The following JPT1 variants were observed in gnomAD, a reference collection of about 807,000 sequenced individuals.
JPT1 encodes the protein Jupiter microtubule associated homolog 1, also known as androgen-regulated protein 2.
Under a neutral mutation model 17.0 loss-of-function variants are expected in JPT1, and 5 were observed. The ratio of observed to expected loss-of-function variants is 0.29; its 90% CI spans 0.15 to 0.62. The LOEUF (loss-of-function observed/expected upper bound fraction) is 0.62, where lower values mean the gene tolerates loss of function less well. Ranked by LOEUF, JPT1 falls within the 20% of genes least tolerant of loss-of-function variation. The pLI is 0.85. For synonymous variants in JPT1, 71 were observed against 73.6 expected (o/e 0.96, Z 0.18); for missense variants, 158 against 188.1 (o/e 0.84, Z 0.94).
chr17:75,150,847 CTTTTTTT>C lies in JPT1; in HGVS notation c.57-2183_57-2177del, dbSNP rs59267123. Among the ~76,000 whole-genome samples the C allele has an allele frequency of 3.6e-3, 235 of 65,974 alleles. 1 individual carries two copies. The South Asian group carries it at 0.049, about 14-fold the overall frequency. 43.3% of individuals were successfully genotyped at this position (65,974 alleles called of 152,430 possible). ...GTTTGAATAAGCAACATTTTTCTTT[CTTTTTTT>C]TTTTTTTTTTTTTTTTTGAGACAGA... is the stretch of plus-strand genomic sequence containing the variant. On this transcript the variant is annotated intron_variant, in intron 1 of 4. Coordinates refer to ENST00000409753, the MANE Select transcript of JPT1 (RefSeq NM_016185.4).
At chr17:75,146,515 G>A (rs967008714) in intron 4 of JPT1, 151 bp downstream of exon 4, 8 of 581,832 alleles carry the variant, frequency 1.4e-5, no homozygotes, top group Non-Finnish European at 1.9e-5. Context: ...AGCATTGATC[G>A]CGTTACTGGC....
intron 1 of JPT1, among the ~76,000 whole-genome samples, chr17:75,149,660 C>T (rs1050009670): frequency 6.6e-6 from 1 of 152,136 alleles, no homozygotes; most frequent in Admixed American, 6.5e-5. Flanking sequence ...AGCCACCACG[C>T]CCAGCCAAAA....
At chr17:75,144,520 TAAA>T (rs895575393) in intron 4 of JPT1, among the ~76,000 whole-genome samples, 2 of 150,710 alleles carry the variant, frequency 1.3e-5, no homozygotes, top group East Asian at 1.9e-4. Flanking sequence ...TAGAAAAAAA[TAAA>T]AAAAAATGTA....
chr17:75,148,508 G>A lies in JPT1; in HGVS notation c.199+21C>T, dbSNP rs776615046. 5.0e-6 allele frequency: 8 copies of A among 1,613,658 alleles called. No homozygotes were observed. In the African/African-American group the frequency reaches 8.0e-5, roughly 16 times the overall value. Reference sequence around the variant, plus strand: ...TGCTGGGCCCATCCCTTTGAACAGTGAGCACAGATAACAAGAGTACCTGCT... The same window carrying A: ...TGCTGGGCCCATCCCTTTGAACAGTAAGCACAGATAACAAGAGTACCTGCT... On this transcript the variant is annotated intron_variant, in intron 2 of 4. Transcript: ENST00000409753.
chr17:75,150,594 G>A (rs1206812421), intron 1 of JPT1, among the ~76,000 whole-genome samples: 1 of 152,036 alleles, frequency 6.6e-6, no homozygotes, highest in Non-Finnish European at 1.5e-5. Flanking sequence ...CACCATGTTG[G>A]TCAGGCTGGT....
chr17:75,138,633 C>G (rs1452284837), intron 4 of JPT1: 2 of 152,018 alleles, frequency 1.3e-5, no homozygotes, highest in Non-Finnish European at 2.9e-5. Context: ...GTCTCAACCT[C>G]CTGACCGCAA....
chr17:75,143,941 T>A (rs905251543), intron 4 of JPT1, among the ~76,000 whole-genome samples: 9 of 151,992 alleles, frequency 5.9e-5, no homozygotes, highest in Non-Finnish European at 1.2e-4. Context: ...GAAGACTGCT[T>A]GAGTCCAGGA....
chr17:75,143,562 A>G (rs2074367452), intron 4 of JPT1, among the ~76,000 whole-genome samples: 1 of 151,726 alleles, frequency 6.6e-6, no homozygotes, highest in South Asian at 2.1e-4. Context: ...TTGGCCAGGC[A>G]TGGTGGCTTA....
intron 3 of JPT1, 94 bp downstream of exon 3, chr17:75,147,462 T>C (rs2074461371): frequency 1.2e-6 from 1 of 832,848 alleles, no homozygotes; most frequent in African/African-American, 1.7e-5. Context: ...ACTACCTCAA[T>C]GTAAAATTCC....
chr17:75,151,144 G>A (rs1242860519), intron 1 of JPT1, among the ~76,000 whole-genome samples: 1 of 151,654 alleles, frequency 6.6e-6, no homozygotes, highest in Non-Finnish European at 1.5e-5. Flanking sequence ...GAGCCACCGC[G>A]CCCGGCCAAG....
At chr17:75,151,061 C>T (rs1401320374) in intron 1 of JPT1, among the ~76,000 whole-genome samples, 1 of 151,454 alleles carries the variant, frequency 6.6e-6, no homozygotes, top group Non-Finnish European at 1.5e-5. Flanking sequence ...ACCGTGTTAG[C>T]CAGGATGGTC....
Position 75,154,501 on chromosome 17 carries a change from G to A in JPT1, c.-104C>T, listed in dbSNP as rs1426121183. 2 of 1,074,422 alleles carry A rather than the reference G, an allele frequency of 1.9e-6. No individual in the cohort carries two copies. The highest frequency in any genetic ancestry group is 2.7e-6 in the Non-Finnish European group (2 of 753,934). The allele number at this position is 1,074,422 out of a possible 1,614,324, so 66.6% of individuals were successfully genotyped here. A position where few individuals can be genotyped will look rare whatever the true frequency, so the allele number is the denominator to read the frequency against. On this transcript the variant is annotated 5_prime_UTR_variant, in exon 1 of 5. Coordinates refer to ENST00000409753, the MANE Select transcript of JPT1 (RefSeq NM_016185.4). ...CACCCAACAGCCGACCACCGCTGCAGGAGCCGCCGCTGCCGCCTGTCCGGC... is the reference window on the plus strand; with the variant it reads ...CACCCAACAGCCGACCACCGCTGCAAGAGCCGCCGCTGCCGCCTGTCCGGC...
Position 75,154,495 on chromosome 17 carries a change from G to T in JPT1, c.-98C>A. On this transcript the variant is annotated 5_prime_UTR_variant, in exon 1 of 5. Coordinates refer to ENST00000409753, the MANE Select transcript of JPT1 (RefSeq NM_016185.4). Reference sequence around the variant, plus strand: ...ACTCCACACCCAACAGCCGACCACCGCTGCAGGAGCCGCCGCTGCCGCCTG... The same window carrying T: ...ACTCCACACCCAACAGCCGACCACCTCTGCAGGAGCCGCCGCTGCCGCCTG... 4 of 1,125,718 alleles carry T rather than the reference G, an allele frequency of 3.6e-6. 1 individual carries two copies. Among genetic ancestry groups the T allele is most frequent in the Middle Eastern group, 4.8e-4 (2 of 4,178 alleles). The allele number at this position is 1,125,718 out of a possible 1,614,324, so 69.7% of individuals were successfully genotyped here. A position where few individuals can be genotyped will look rare whatever the true frequency, so the allele number is the denominator to read the frequency against.
Position 75,148,522 on chromosome 17 carries a change from A to G in JPT1, c.199+7T>C. ...CTTTGAACAGTGAGCACAGATAACA[A>G]GAGTACCTGCTGACTTGGCCCAAGA... On this transcript the variant is annotated splice_region_variant and intron_variant, in intron 2 of 4. Coordinates refer to ENST00000409753, the MANE Select transcript of JPT1 (RefSeq NM_016185.4). 2 of 1,614,130 alleles carry G rather than the reference A, an allele frequency of 1.2e-6. No homozygotes were observed. The highest frequency in any genetic ancestry group is 1.7e-6 in the Non-Finnish European group (2 of 1,180,016).
At chr17:75,143,646 G>A (rs1469958722) in intron 4 of JPT1, among the ~76,000 whole-genome samples, 13 of 151,828 alleles carry the variant, frequency 8.6e-5, no homozygotes, top group East Asian at 3.9e-4. Flanking sequence ...GACCAGCCTG[G>A]CCAACATGGC....
intron 1 of JPT1, chr17:75,149,239 C>A: frequency 2.7e-6 from 1 of 373,702 alleles, no homozygotes; most frequent in Non-Finnish European, 5.3e-6. Flanking sequence ...GCCTGTGGTC[C>A]CAGCTACACT....
intron 4 of JPT1, 22 bp from the exon 5 acceptor site, chr17:75,136,272 A>T (rs372543698): frequency 1.3e-6 from 2 of 1,541,504 alleles, no homozygotes; most frequent in South Asian, 2.5e-5. Context: ...GGGAATAGAA[A>T]TAATACTCAT....
chr17:75,147,963 C>CA (rs1318336944), intron 2 of JPT1: 1 of 324,796 alleles, frequency 3.1e-6, no homozygotes, highest in Non-Finnish European at 5.8e-6. Context: ...GGCACCACTG[C>CA]ACTCTGTACT....
At chr17:75,147,146 G>T (rs779696311) in intron 3 of JPT1, among the ~76,000 whole-genome samples, 1 of 151,428 alleles carries the variant, frequency 6.6e-6, no homozygotes, top group Non-Finnish European at 1.5e-5. Context: ...GTCGGGCGGG[G>T]TCTTTCCACT....
Sources: allele counts gnomAD v4.1 joint callset (sites outside exome capture counted in the v4.1 genomes callset), GRCh38; gene constraint gnomAD v4.1.1; transcripts MANE v1.5; gene names NCBI Gene and HGNC (gene_info 2026-07-23, HGNC 2026-07-21).